CHCHD6: variants seen among roughly 807,000 people sequenced by gnomAD.
The protein encoded by CHCHD6 is coiled-coil-helix-coiled-coil-helix domain containing 6, also known as MICOS complex subunit MIC25.
CHCHD6 carries 28 observed loss-of-function variants against 32.3 expected under a neutral mutation model. The ratio of observed to expected loss-of-function variants is 0.87; its 90% CI spans 0.64 to 1.19. The LOEUF is 1.19. Ranked by LOEUF, CHCHD6 falls within the 50% of genes most tolerant of loss-of-function variation. The pLI is 0.00. For missense variants in CHCHD6, 333 were observed against 307.0 expected, an observed-to-expected ratio of 1.08 and a Z score of -0.63; for synonymous variants, 122 against 117.5, an observed-to-expected ratio of 1.04 and a Z score of -0.25.
At chr3:126,805,064 G>T (rs1939295477) in intron 4 of CHCHD6, among the ~76,000 whole-genome samples, 1 of 152,048 alleles carries the variant, frequency 6.6e-6, no homozygotes, top group Non-Finnish European at 1.5e-5. Context: ...AATAATACGA[G>T]ATATTTATGA....
chr3:126,774,306 G>A (rs1287232558), intron 4 of CHCHD6, among the ~76,000 whole-genome samples: 2 of 152,116 alleles, frequency 1.3e-5, no homozygotes, highest in South Asian at 2.1e-4. Context: ...TTTTGCAAAG[G>A]CTTTCTTAAA....
At chr3:126,765,906 T>C (rs1363327194) in intron 4 of CHCHD6, among the ~76,000 whole-genome samples, 1 of 152,194 alleles carries the variant, frequency 6.6e-6, no homozygotes, top group African/African-American at 2.4e-5. Flanking sequence ...CTTAGGCCAA[T>C]CTGCAAGAAA....
intron 1 of CHCHD6, among the ~76,000 whole-genome samples, chr3:126,708,745 A>G (rs1934620818): frequency 6.6e-6 from 1 of 152,170 alleles, no homozygotes; most frequent in Non-Finnish European, 1.5e-5. Flanking sequence ...TGGTGACAGA[A>G]TTGGACAACT....
At chr3:126,866,937 C>G (rs1202475497) in intron 5 of CHCHD6, among the ~76,000 whole-genome samples, 1 of 152,162 alleles carries the variant, frequency 6.6e-6, no homozygotes, top group Non-Finnish European at 1.5e-5. Context: ...ATATTATCTT[C>G]CAGGAGTTTT....
chr3:126,932,115 T>A (rs2078414829), intron 6 of CHCHD6, among the ~76,000 whole-genome samples: 1 of 152,198 alleles, frequency 6.6e-6, no homozygotes, highest in South Asian at 2.1e-4. Flanking sequence ...AGATGTGCAT[T>A]CCTCTTGTTG....
At chr3:126,836,896 C>CG (rs1447689536) in intron 4 of CHCHD6, among the ~76,000 whole-genome samples, 1 of 152,156 alleles carries the variant, frequency 6.6e-6, no homozygotes, top group Non-Finnish European at 1.5e-5. Flanking sequence ...GGAGCAAGTG[C>CG]GGGGGACTGG....
At chr3:126,843,846 C>T (rs970751903) in intron 4 of CHCHD6, among the ~76,000 whole-genome samples, 3 of 152,168 alleles carry the variant, frequency 2.0e-5, no homozygotes, top group Non-Finnish European at 4.4e-5. Flanking sequence ...TGGTACTTTT[C>T]AGTAGCTTCC....
intron 1 of CHCHD6, among the ~76,000 whole-genome samples, chr3:126,713,993 C>T (rs917651250): frequency 2.2e-5 from 3 of 136,314 alleles, no homozygotes; most frequent in Admixed American, 1.7e-4. Flanking sequence ...AGGAGAATGG[C>T]ATGAACCTGG....
At chr3:126,956,005 G>A (rs1312746290) in intron 6 of CHCHD6, among the ~76,000 whole-genome samples, 3 of 152,230 alleles carry the variant, frequency 2.0e-5, no homozygotes, top group African/African-American at 7.2e-5. Flanking sequence ...TCCAGAGCAA[G>A]ACAGCTAAAT....
intron 4 of CHCHD6, among the ~76,000 whole-genome samples, chr3:126,756,050 G>A (rs556020449): frequency 1.1e-4 from 17 of 152,164 alleles, no homozygotes; most frequent in Non-Finnish European, 2.1e-4. Context: ...AGGGCTCGGA[G>A]AGAATCCCTG....
At chr3:126,752,198 G>C (rs1018203023) in intron 4 of CHCHD6, among the ~76,000 whole-genome samples, 3 of 152,182 alleles carry the variant, frequency 2.0e-5, no homozygotes, top group African/African-American at 7.2e-5. Context: ...GCCAGGCTCT[G>C]AGAATGCAGC....
chr3:126,721,447 C>A (rs1935288899), intron 1 of CHCHD6, among the ~76,000 whole-genome samples: 1 of 152,188 alleles, frequency 6.6e-6, no homozygotes, highest in South Asian at 2.1e-4. Flanking sequence ...TCTGCGCCTG[C>A]CTTAGGGAAC....
chr3:126,772,997 G>T (rs1443662530), intron 4 of CHCHD6, among the ~76,000 whole-genome samples: 2 of 152,062 alleles, frequency 1.3e-5, no homozygotes, highest in Non-Finnish European at 2.9e-5. Context: ...AGCTTAGTTT[G>T]GCTGGATATG....
intron 5 of CHCHD6, among the ~76,000 whole-genome samples, chr3:126,885,767 T>A (rs2077671097): frequency 6.6e-6 from 1 of 152,218 alleles, no homozygotes; most frequent in Non-Finnish European, 1.5e-5. Flanking sequence ...TATTTGCACA[T>A]AAAACAGGTG....
intron 5 of CHCHD6, among the ~76,000 whole-genome samples, chr3:126,882,663 C>T (rs1344089696): frequency 1.3e-5 from 2 of 152,156 alleles, no homozygotes; most frequent in Non-Finnish European, 2.9e-5. Flanking sequence ...GCAAAGTTAC[C>T]TCCACTTTAT....
chr3:126,925,694 C>A (rs1161343671), intron 6 of CHCHD6, among the ~76,000 whole-genome samples: 2 of 152,184 alleles, frequency 1.3e-5, no homozygotes, highest in African/African-American at 4.8e-5. Context: ...TAGTGGTTTT[C>A]TCTTGGACGC....
chr3:126,922,225 G>A (rs2078260901), intron 6 of CHCHD6, among the ~76,000 whole-genome samples: 1 of 152,176 alleles, frequency 6.6e-6, no homozygotes, highest in Non-Finnish European at 1.5e-5. Context: ...CTTGGCACAT[G>A]TACTGTACCC....
intron 6 of CHCHD6, among the ~76,000 whole-genome samples, chr3:126,941,472 CTCTTT>C (rs1186588910): frequency 6.6e-6 from 1 of 152,166 alleles, no homozygotes; most frequent in Admixed American, 6.5e-5. Flanking sequence ...TTTGCATCTT[CTCTTT>C]TGAGGTTGAA....
intron 4 of CHCHD6, among the ~76,000 whole-genome samples, chr3:126,773,671 T>C (rs768359197): frequency 2.0e-5 from 3 of 148,722 alleles, no homozygotes; most frequent in Non-Finnish European, 4.4e-5. Flanking sequence ...AGTGGCACGA[T>C]CTTGGCTCAC....
Sources: allele counts gnomAD v4.1 joint callset (sites outside exome capture counted in the v4.1 genomes callset), GRCh38; gene constraint gnomAD v4.1.1; transcripts MANE v1.5; gene names NCBI Gene and HGNC (gene_info 2026-07-23, HGNC 2026-07-21).